Variants in GPNMB observed in about 807,000 individuals in gnomAD.
GPNMB encodes the protein glycoprotein nmb, also known as transmembrane glycoprotein NMB.
GPNMB carries 71 observed loss-of-function variants against 57.3 expected under a neutral mutation model. That is an observed-to-expected ratio of 1.24 (90% CI 1.02 to 1.51). The LOEUF (loss-of-function observed/expected upper bound fraction) is 1.51. Ranked by LOEUF, GPNMB falls within the 40% of genes most tolerant of loss-of-function variation. The probability of loss-of-function intolerance (pLI) is 0.00; values close to 1 mark genes in which losing one functional copy is unlikely to be tolerated. For synonymous variants in GPNMB, 253 were observed against 263.2 expected (o/e 0.96, Z 0.38); for missense variants, 677 against 691.9 (o/e 0.98, Z 0.24).
In GPNMB at chr7:23,275,018, A is replaced by C. The variant is rs1017357823; in HGVS notation, c.*794A>C. 2 of 151,934 alleles carry C rather than the reference A, an allele frequency of 1.3e-5. 1 individual carries two copies. The highest frequency in any genetic ancestry group is 4.8e-5 in the African/African-American group (2 of 41,378). The allele number at this position is 151,934 out of a possible 1,614,324, so 9.4% of individuals were successfully genotyped here. A position where few individuals can be genotyped will look rare whatever the true frequency, so the allele number is the denominator to read the frequency against. ...TGGCAACTTGATCAGTAAGGATTTC[A>C]CCTCTGTTTGTAACTAAAACCATCT... is the stretch of plus-strand genomic sequence containing the variant. On this transcript the variant is annotated 3_prime_UTR_variant, in exon 11 of 11. Transcript: ENST00000258733.
In GPNMB at chr7:23,268,006, G is replaced by A. The variant is rs766448354; in HGVS notation, c.1220+18G>A. On this transcript the variant is annotated intron_variant, in intron 8 of 10. Transcript: ENST00000258733. ...CAAGGGAGGTGAGTATATTATCTCC[G>A]ACAGAGGCATGGGTGGGTCAACTGA... 4.4e-5 allele frequency: 65 copies of A among 1,467,648 alleles called. No individual in the cohort carries two copies. In the Admixed American group the frequency reaches 8.6e-4, roughly 19 times the overall value. 90.9% of individuals were successfully genotyped at this position (1,467,648 alleles called of 1,614,324 possible).
Position 23,254,287 on chromosome 7 carries a change from AGTCTAT to A in GPNMB, c.344_349del (p.Val115_Tyr116del), listed in dbSNP as rs761061706. 20 of 1,613,224 alleles carry A rather than the reference AGTCTAT, an allele frequency of 1.2e-5. No homozygotes were observed. Among genetic ancestry groups the A allele is most frequent in the Non-Finnish European group, 1.5e-5 (18 of 1,179,278 alleles). ...AAAAGGAAGATGCCAATGGCAACAT[AGTCTAT>A]GAGAAGAACTGCAGAAATGGTAAGA... is the stretch of plus-strand genomic sequence containing the variant. On this transcript the variant is annotated inframe_deletion, in exon 3 of 11. Coordinates refer to ENST00000258733, the MANE Select transcript of GPNMB (RefSeq NM_002510.3).
intron 4 of GPNMB, 116 bp from the exon 5 acceptor site, chr7:23,259,864 T>C: frequency 1.1e-6 from 1 of 879,920 alleles, no homozygotes; most frequent in Non-Finnish European, 1.8e-6. Context: ...CACAGGCCCA[T>C]CCTATTTTCC....
rs189339093 is a variant in GPNMB at position 23,256,449 on chromosome 7, C to T, written c.368-443C>T. ...ACCTTGATTGGGGTGATAATGGTGT[C>T]AGGGCTATTTAGGACAATGCTCTTA... On this transcript the variant is annotated intron_variant, in intron 3 of 10. Coordinates refer to ENST00000258733, the MANE Select transcript of GPNMB (RefSeq NM_002510.3). 1.7e-3 allele frequency among the ~76,000 whole-genome samples: 252 copies of T among 152,188 alleles called. 1 individual carries two copies. The highest frequency in any genetic ancestry group is 6.0e-3 in the African/African-American group (247 of 41,500).
Position 23,254,177 on chromosome 7 carries a change from G to A in GPNMB, c.232G>A (p.Val78Met). Residue 78 changes from valine (V) to methionine (M), a missense_variant, in exon 3 of 11, where the codon GTG (valine) becomes ATG (methionine). Physicochemically the swap from Val to Met is conservative, Grantham distance 21 (BLOSUM62 1). Transcript: ENST00000258733. ...RWKNSWKGGR[V>M]QAVLTSDSPA... ...ACTTTTTTATACCCTAGGAGGCCGTGTGCAGGCGGTCCTGACCAGTGACTC... is the reference window on the plus strand; with the variant it reads ...ACTTTTTTATACCCTAGGAGGCCGTATGCAGGCGGTCCTGACCAGTGACTC... 2 of 1,612,850 alleles carry A rather than the reference G, an allele frequency of 1.2e-6. No homozygotes were observed. The highest frequency in any genetic ancestry group is 1.7e-6 in the Non-Finnish European group (2 of 1,179,494).
At chr7:23,248,246 C>T (rs763985230) in intron 1 of GPNMB, among the ~76,000 whole-genome samples, 5 of 152,150 alleles carry the variant, frequency 3.3e-5, no homozygotes, top group Non-Finnish European at 2.9e-5. Context: ...CAGACCTGCA[C>T]CCACCCTCAG....
At chr7:23,254,048 T>G in intron 2 of GPNMB, 121 bp from the exon 3 acceptor site, 1 of 669,010 alleles carries the variant, frequency 1.5e-6, no homozygotes, top group South Asian at 4.3e-5. Flanking sequence ...AAATATAAAT[T>G]TAATATATTA....
intron 6 of GPNMB, among the ~76,000 whole-genome samples, 176 bp downstream of exon 6, chr7:23,260,949 CAGA>C (rs1782908344): frequency 6.6e-6 from 1 of 152,142 alleles, no homozygotes; most frequent in South Asian, 2.1e-4. Context: ...CTATAGAACA[CAGA>C]AGAAGGAAGA....
chr7:23,269,046 C>G (rs993767387), intron 8 of GPNMB, among the ~76,000 whole-genome samples: 3 of 152,184 alleles, frequency 2.0e-5, no homozygotes, highest in African/African-American at 7.2e-5. Context: ...ATCTCTCTCC[C>G]TGATTTGTCA....
intron 6 of GPNMB, among the ~76,000 whole-genome samples, chr7:23,264,580 T>C (rs1201773274): frequency 2.6e-5 from 4 of 152,080 alleles, no homozygotes; most frequent in Non-Finnish European, 5.9e-5. Context: ...TTCCACCATG[T>C]TGCCCAGGTT....
intron 9 of GPNMB, among the ~76,000 whole-genome samples, chr7:23,271,123 C>G (rs1346734142): frequency 1.3e-5 from 2 of 152,206 alleles, no homozygotes; most frequent in Non-Finnish European, 2.9e-5. Flanking sequence ...TAGTTAGAGT[C>G]TCATAAGGAG....
At chr7:23,266,911 G>A (rs1450963305) in intron 7 of GPNMB, among the ~76,000 whole-genome samples, 1 of 152,236 alleles carries the variant, frequency 6.6e-6, no homozygotes, top group Non-Finnish European at 1.5e-5. Flanking sequence ...AATGGGGTAT[G>A]TAGGGTAAAG....
chr7:23,257,830 TA>T (rs1782818285), intron 4 of GPNMB: 1 of 152,198 alleles, frequency 6.6e-6, no homozygotes. Flanking sequence ...AAATAAAAAA[TA>T]AAAATTATCC....
chr7:23,257,138 A>G lies in GPNMB; in HGVS notation c.541+73A>G, dbSNP rs73277845. 3.5e-3 allele frequency: 4,333 copies of G among 1,254,694 alleles called. 113 individuals carry two copies. In the African/African-American group the frequency reaches 0.056, roughly 16 times the overall value. 77.7% of individuals were successfully genotyped at this position (1,254,694 alleles called of 1,614,324 possible). A position where few individuals can be genotyped will look rare whatever the true frequency, so the allele number is the denominator to read the frequency against. ...TTTCAACCTTCTCTTTTCTTACTCT[A>G]TAATTGAGAATGATAACACAGAGAG... is the stretch of plus-strand genomic sequence containing the variant. On this transcript the variant is annotated intron_variant, in intron 4 of 10. Coordinates refer to ENST00000258733, the MANE Select transcript of GPNMB (RefSeq NM_002510.3).
Position 23,260,779 on chromosome 7 carries a change from G to C in GPNMB, c.1018+6G>C, listed in dbSNP as rs911885330. 1 of 1,515,200 alleles carries C rather than the reference G, an allele frequency of 6.6e-7. No homozygotes were observed. Among genetic ancestry groups the C allele is most frequent in the South Asian group, 1.3e-5 (1 of 74,170 alleles). The allele number at this position is 1,515,200 out of a possible 1,614,324, so 93.9% of individuals were successfully genotyped here. ...AAAACCCACCCCTTCTTTAGGTAAG[G>C]TTTCGCAGTGATCTTTGAGGGAGGC... On this transcript the variant is annotated splice_donor_region_variant and intron_variant, in intron 6 of 10. Transcript: ENST00000258733.
At chr7:23,268,014 C>T (rs753346880) in intron 8 of GPNMB, 26 bp downstream of exon 8, 27 of 1,382,140 alleles carry the variant, frequency 2.0e-5, no homozygotes, top group Non-Finnish European at 2.6e-5. Flanking sequence ...CCGACAGAGG[C>T]ATGGGTGGGT....
At chr7:23,260,924 A>G (rs1424871319) in intron 6 of GPNMB, 151 bp downstream of exon 6, 1 of 572,700 alleles carries the variant, frequency 1.7e-6, no homozygotes, top group East Asian at 3.0e-5. Flanking sequence ...AAGCAAAGTT[A>G]TCACCATTTT....
At chr7:23,248,992 C>G (rs1782601190) in intron 1 of GPNMB, among the ~76,000 whole-genome samples, 1 of 152,198 alleles carries the variant, frequency 6.6e-6, no homozygotes. Flanking sequence ...CTACATTGCC[C>G]AGGCTGGCCT....
At chr7:23,271,435 C>A (rs553473442) in intron 9 of GPNMB, among the ~76,000 whole-genome samples, 1 of 152,324 alleles carries the variant, frequency 6.6e-6, no homozygotes, top group East Asian at 1.9e-4. Context: ...TGAAGCCTAT[C>A]TCATAAGGTA....
Sources: allele counts gnomAD v4.1 joint callset (sites outside exome capture counted in the v4.1 genomes callset), GRCh38; gene constraint gnomAD v4.1.1; transcripts MANE v1.5; gene names NCBI Gene and HGNC (gene_info 2026-07-23, HGNC 2026-07-21).